Variants in KIAA2012 observed in about 807,000 individuals in gnomAD.
KIAA2012 encodes KIAA2012.
A neutral mutation model predicts 150.6 loss-of-function variants in KIAA2012; 125 were observed. The ratio of observed to expected loss-of-function variants is 0.83; its 90% CI spans 0.72 to 0.96. The LOEUF is 0.96. Among genes scored for constraint, KIAA2012 ranks in the 40% least tolerant of loss-of-function variants. The pLI, the probability that KIAA2012 is intolerant of heterozygous loss-of-function variation, is 0.00. For missense variants in KIAA2012, 1,219 were observed against 1,354.9 expected, an observed-to-expected ratio of 0.90 and a Z score of 1.57; for synonymous variants, 462 against 504.7, an observed-to-expected ratio of 0.92 and a Z score of 1.13.
intron 4 of KIAA2012, among the ~76,000 whole-genome samples, chr2:202,096,073 G>A (rs1455846117): frequency 3.9e-5 from 6 of 152,048 alleles, no homozygotes; most frequent in African/African-American, 7.2e-5. Flanking sequence ...AACAGAGTGA[G>A]ACTACGTCCC....
chr2:202,184,054 AGTCTCCCTT>A (rs911683164), intron 15 of KIAA2012, among the ~76,000 whole-genome samples: 5 of 152,118 alleles, frequency 3.3e-5, no homozygotes, highest in Admixed American at 3.3e-4. Context: ...TTACTCCCCC[AGTCTCCCTT>A]GTTGAGCTGT....
At chr2:202,107,246 AAAAAAGAAT>A (rs1690221355) in intron 9 of KIAA2012, among the ~76,000 whole-genome samples, 1 of 36,254 alleles carries the variant, frequency 2.8e-5, no homozygotes, top group Admixed American at 2.1e-4. Context: ...AAAAAAAATA[AAAAAAGAAT>A]AAAAGAATAA....
At chr2:202,123,828 C>G (rs1418205992) in intron 11 of KIAA2012, among the ~76,000 whole-genome samples, 1 of 152,098 alleles carries the variant, frequency 6.6e-6, no homozygotes, top group Non-Finnish European at 1.5e-5. Flanking sequence ...TCACACCTCC[C>G]TCTCCCTTCT....
At chr2:202,189,295 C>CT (rs767226517) in intron 18 of KIAA2012, among the ~76,000 whole-genome samples, 2,028 of 143,316 alleles carry the variant, frequency 0.014, 12 homozygotes, top group Middle Eastern at 0.025. Flanking sequence ...GAAATAGAAC[C>CT]TTTTTTTTTT....
intron 1 of KIAA2012, 34 bp from the exon 2 acceptor site, chr2:202,074,855 CAG>C: frequency 1.3e-6 from 2 of 1,514,412 alleles, no homozygotes; most frequent in Non-Finnish European, 8.8e-7. Flanking sequence ...AGGTCTTCCA[CAG>C]TGGCTCCGTC....
At chr2:202,162,452 T>G (rs968730944) in intron 14 of KIAA2012, among the ~76,000 whole-genome samples, 1 of 151,934 alleles carries the variant, frequency 6.6e-6, no homozygotes, top group Non-Finnish European at 1.5e-5. Flanking sequence ...TTTTTGTATT[T>G]TTAGTAGAGA....
intron 2 of KIAA2012, among the ~76,000 whole-genome samples, chr2:202,083,361 T>A (rs1022227619): frequency 1.6e-4 from 24 of 152,252 alleles, no homozygotes; most frequent in African/African-American, 5.5e-4. Context: ...AAGTGGCTTC[T>A]CTCCTCTCCC....
chr2:202,131,143 T>A (rs1406224681), intron 12 of KIAA2012, among the ~76,000 whole-genome samples: 1 of 152,106 alleles, frequency 6.6e-6, no homozygotes, highest in Non-Finnish European at 1.5e-5. Flanking sequence ...TATGTTTTTT[T>A]GTTTGTTTGT....
At chr2:202,073,756 G>T in intron 1 of KIAA2012, 45 bp downstream of exon 1, 2 of 1,505,366 alleles carry the variant, frequency 1.3e-6, no homozygotes. Flanking sequence ...AGGTGGGAGA[G>T]GAATGCTCTA....
At chr2:202,096,359 C>T (rs1689886046) in intron 4 of KIAA2012, among the ~76,000 whole-genome samples, 1 of 152,176 alleles carries the variant, frequency 6.6e-6, no homozygotes, top group South Asian at 2.1e-4. Flanking sequence ...CATCAGATTT[C>T]CCTGGGCCAC....
At chr2:202,135,992 T>TA (rs1321524975) in intron 12 of KIAA2012, 3 of 322,972 alleles carry the variant, frequency 9.3e-6, no homozygotes, top group Non-Finnish European at 1.9e-5. Context: ...TGATTCAAAT[T>TA]TAAAAAAAAA....
chr2:202,181,701 C>T (rs1038219125), intron 15 of KIAA2012, among the ~76,000 whole-genome samples: 1 of 152,096 alleles, frequency 6.6e-6, no homozygotes, highest in Non-Finnish European at 1.5e-5. Flanking sequence ...ATTAGATATA[C>T]ATGAAAGCAA....
At chr2:202,089,171 A>G (rs550226689) in intron 2 of KIAA2012, among the ~76,000 whole-genome samples, 1 of 152,326 alleles carries the variant, frequency 6.6e-6, no homozygotes, top group East Asian at 1.9e-4. Context: ...GTTTCAGGAT[A>G]CCAGAGCTAT....
intron 14 of KIAA2012, among the ~76,000 whole-genome samples, chr2:202,155,419 C>G (rs1691506244): frequency 6.6e-6 from 1 of 152,162 alleles, no homozygotes; most frequent in African/African-American, 2.4e-5. Context: ...TCATTAAATG[C>G]TCCATGAATT....
chr2:202,093,333 G>A, intron 4 of KIAA2012, 148 bp downstream of exon 4: 1 of 797,762 alleles, frequency 1.3e-6, no homozygotes, highest in Non-Finnish European at 2.0e-6. Flanking sequence ...GTGCAGACCA[G>A]CACTGTCCAA....
At chr2:202,199,368 A>G (rs1197697666) in intron 22 of KIAA2012, among the ~76,000 whole-genome samples, 2 of 152,054 alleles carry the variant, frequency 1.3e-5, no homozygotes. Flanking sequence ...CACCTCCCAG[A>G]TTCAAGAGAT....
chr2:202,196,296 G>C (rs975381926), intron 21 of KIAA2012, among the ~76,000 whole-genome samples: 1 of 140,792 alleles, frequency 7.1e-6, no homozygotes, highest in Non-Finnish European at 1.5e-5. Context: ...CCAGGTTCAC[G>C]CCATTCTCCT....
At position 202,171,547 on chromosome 2, in the gene KIAA2012, C is replaced by T. The variant is rs553129206; in HGVS notation, c.2119+6191C>T. 7.2e-5 allele frequency among the ~76,000 whole-genome samples: 11 copies of T among 152,064 alleles called. No individual in the cohort carries two copies. In the South Asian group the frequency reaches 1.0e-3, roughly 14 times the overall value. ...CTCAAGACCCCAGGCGGGCTCTCCC[C>T]GAAGGGTCACTTCTCCGAGTGTGTC... On this transcript the variant is annotated intron_variant, in intron 15 of 23. Transcript: ENST00000498697.
At chr2:202,090,660 A>G in intron 2 of KIAA2012, 110 bp from the exon 3 acceptor site, 1 of 1,288,636 alleles carries the variant, frequency 7.8e-7, no homozygotes, top group Middle Eastern at 2.0e-4. Flanking sequence ...GCCTTCTGGC[A>G]CCTTCTGGGA....
Sources: allele counts gnomAD v4.1 joint callset (sites outside exome capture counted in the v4.1 genomes callset), GRCh38; gene constraint gnomAD v4.1.1; transcripts MANE v1.5; gene names NCBI Gene and HGNC (gene_info 2026-07-23, HGNC 2026-07-21).